IGSF11: variants seen among roughly 807,000 people sequenced by gnomAD.
The protein encoded by IGSF11 is immunoglobulin superfamily member 11, also known as CXADR like 1.
Under a neutral mutation model 41.0 loss-of-function variants are expected in IGSF11, and 22 were observed. That is an observed-to-expected ratio of 0.54 (90% CI 0.38 to 0.77). IGSF11 has a LOEUF of 0.77. Among genes scored for constraint, IGSF11 ranks in the 30% least tolerant of loss-of-function variants. IGSF11 has a pLI of 0.00. For missense variants in IGSF11, 444 were observed against 530.8 expected, an observed-to-expected ratio of 0.84 and a Z score of 1.61; for synonymous variants, 219 against 201.3, an observed-to-expected ratio of 1.09 and a Z score of -0.74.
At position 119,141,680 on chromosome 3, in the gene IGSF11, T is replaced by C. The variant is rs568203457; in HGVS notation, c.-14+4133A>G. The stretch of plus-strand genomic sequence containing the variant: ...CTAATATCTATATATCTAATATAGA[T>C]ATATATTATCTAATACAAATGGGCA... On this transcript the variant is annotated intron_variant, in intron 1 of 7. Coordinates refer to the IGSF11 transcript ENST00000425327. Among the ~76,000 whole-genome samples the C allele has an allele frequency of 7.4e-5, 11 of 149,542 alleles. No individual in the cohort carries two copies. In the South Asian group the frequency reaches 2.3e-3, roughly 31 times the overall value.
chr3:119,033,635 A>C (rs1266485267), intron 1 of IGSF11, among the ~76,000 whole-genome samples: 2 of 152,214 alleles, frequency 1.3e-5, no homozygotes, highest in Admixed American at 6.5e-5. Context: ...TCCAGAAAAA[A>C]AACAGGGTTA....
intron 1 of IGSF11, among the ~76,000 whole-genome samples, chr3:118,984,381 T>A (rs1174650832): frequency 6.6e-6 from 1 of 152,128 alleles, no homozygotes; most frequent in Non-Finnish European, 1.5e-5. Flanking sequence ...ATGAACTATA[T>A]GAGATCATGA....
At chr3:118,995,119 T>A (rs1292917203) in intron 1 of IGSF11, among the ~76,000 whole-genome samples, 1 of 152,194 alleles carries the variant, frequency 6.6e-6, no homozygotes, top group Non-Finnish European at 1.5e-5. Context: ...AGTGAGGCTT[T>A]GAAGGGTTTT....
chr3:119,045,101 G>C (rs1449557327), intron 1 of IGSF11, among the ~76,000 whole-genome samples: 2 of 152,206 alleles, frequency 1.3e-5, no homozygotes. Flanking sequence ...TTAAAAAATA[G>C]AGAATGGCAG....
intron 1 of IGSF11, among the ~76,000 whole-genome samples, chr3:119,051,545 C>T (rs898383704): frequency 6.6e-6 from 1 of 152,082 alleles, no homozygotes; most frequent in Admixed American, 6.6e-5. Context: ...CTTCAATACT[C>T]GACTAACAGC....
At chr3:119,056,708 A>C (rs1300875251) in intron 1 of IGSF11, among the ~76,000 whole-genome samples, 1 of 152,232 alleles carries the variant, frequency 6.6e-6, no homozygotes, top group African/African-American at 2.4e-5. Context: ...ATGAACATTC[A>C]TGCAAAAAGT....
At position 118,904,763 on chromosome 3, in the gene IGSF11, T is replaced by A. The variant is rs1345690209; in HGVS notation, c.739A>T (p.Ile247Phe). The A allele has an allele frequency of 6.2e-7, 1 of 1,613,426 alleles. No homozygotes were observed. Among genetic ancestry groups the A allele is most frequent in the Non-Finnish European group, 8.5e-7 (1 of 1,179,716 alleles). The change falls in exon 6 of 7, where the codon ATT (isoleucine) becomes TTT (phenylalanine). Residue 247 changes from isoleucine (I) to phenylalanine (F), a missense_variant. Physicochemically the swap from Ile to Phe is conservative, Grantham distance 21. Transcript: ENST00000393775. ...PRNIGLIAGA[I>F]GTGAVIIIFC... ...ATGATAATAACTGCACCAGTGCCAA[T>A]GGCTCCAGCTATTAGTCCAATGTTC... is the stretch of plus-strand genomic sequence containing the variant.
intron 1 of IGSF11, among the ~76,000 whole-genome samples, chr3:118,995,117 T>G (rs1470971314): frequency 6.6e-6 from 1 of 152,148 alleles, no homozygotes; most frequent in Non-Finnish European, 1.5e-5. Flanking sequence ...ACAGTGAGGC[T>G]TTGAAGGGTT....
chr3:119,028,797 A>C (rs1458374108), intron 1 of IGSF11, among the ~76,000 whole-genome samples: 1 of 152,132 alleles, frequency 6.6e-6, no homozygotes, highest in Non-Finnish European at 1.5e-5. Context: ...GTCACACCAA[A>C]TCCCTAAAGA....
intron 1 of IGSF11, among the ~76,000 whole-genome samples, chr3:118,952,081 C>T (rs1944613299): frequency 6.6e-6 from 1 of 152,100 alleles, no homozygotes; most frequent in Non-Finnish European, 1.5e-5. Flanking sequence ...TGTATTTACA[C>T]TATACTGTAG....
At chr3:119,091,998 G>T (rs1013568266) in intron 1 of IGSF11, among the ~76,000 whole-genome samples, 36 of 144,166 alleles carry the variant, frequency 2.5e-4, no homozygotes, top group African/African-American at 8.1e-4. Context: ...TTTTTTGGGG[G>T]GGGGGGGTTG....
intron 4 of IGSF11, among the ~76,000 whole-genome samples, chr3:118,907,209 T>C (rs1939711991): frequency 6.6e-6 from 1 of 152,202 alleles, no homozygotes; most frequent in Admixed American, 6.5e-5. Context: ...TCATCATCTC[T>C]ATCTAGATCA....
intron 1 of IGSF11, among the ~76,000 whole-genome samples, chr3:119,092,328 GTTTC>G (rs1223770450): frequency 1.3e-5 from 2 of 152,022 alleles, no homozygotes; most frequent in Non-Finnish European, 2.9e-5. Flanking sequence ...GGTATACAGT[GTTTC>G]TTTCTTTCTT....
At chr3:119,106,542 T>C (rs1005404348), upstream of IGSF11, among the ~76,000 whole-genome samples, 2 of 152,174 alleles carry the variant, frequency 1.3e-5, no homozygotes, top group Non-Finnish European at 2.9e-5. Context: ...GACTTCATTC[T>C]TTTTTATGGC....
chr3:118,960,044 CAAAAA>C (rs199913346), intron 1 of IGSF11, among the ~76,000 whole-genome samples: 1 of 81,120 alleles, frequency 1.2e-5, no homozygotes, highest in Non-Finnish European at 2.5e-5. Flanking sequence ...GACTCCGTCT[CAAAAA>C]AAAAAAAAAA....
In IGSF11 at chr3:118,907,979, C is replaced by T. The variant is rs146045591; in HGVS notation, c.581-2261G>A. Among the ~76,000 whole-genome samples, 519 of 152,248 alleles carry T rather than the reference C, an allele frequency of 3.4e-3. 3 individuals carry two copies. Among genetic ancestry groups the T allele is most frequent in the African/African-American group, 0.011 (463 of 41,532 alleles). The stretch of plus-strand genomic sequence containing the variant: ...TGTACACATGTACTAATATCATCAA[C>T]GCAAGAAAACCATAATCTCTGGGCA... On this transcript the variant is annotated intron_variant, in intron 4 of 6. Coordinates refer to ENST00000393775, the MANE Select transcript of IGSF11 (RefSeq NM_001015887.3).
intron 1 of IGSF11, among the ~76,000 whole-genome samples, chr3:119,049,987 C>G (rs549990563): frequency 4.9e-4 from 72 of 146,434 alleles, no homozygotes; most frequent in African/African-American, 8.2e-4. Context: ...ACACCTTATA[C>G]AAAAATCAAT....
intron 1 of IGSF11, among the ~76,000 whole-genome samples, chr3:119,067,941 T>A (rs576593269): frequency 6.6e-6 from 1 of 152,368 alleles, no homozygotes; most frequent in East Asian, 1.9e-4. Context: ...AATGGAAACA[T>A]TGGCCTGCTG....
In IGSF11 at chr3:119,096,158, A is replaced by T. The variant is rs149739135; in HGVS notation, c.49+8986T>A. On this transcript the variant is annotated intron_variant, in intron 1 of 6. Coordinates refer to the IGSF11 transcript ENST00000354673. ...ATGGATGTATTGAGTAAACTCTATC[A>T]TGGTTACAGTGACTTGGCTTTCAAG... is the stretch of plus-strand genomic sequence containing the variant. 9.2e-3 allele frequency among the ~76,000 whole-genome samples: 1,404 copies of T among 152,168 alleles called. 11 individuals are homozygous for T. Among genetic ancestry groups the T allele is most frequent in the Non-Finnish European group, 0.012 (822 of 67,984 alleles).
Sources: gnomAD v4.1 joint callset for allele counts (sites outside exome capture counted in the v4.1 genomes callset) on GRCh38, gnomAD v4.1.1 for gene constraint, MANE v1.5 for transcripts, NCBI Gene and HGNC (gene_info 2026-07-23, HGNC 2026-07-21) for gene names.